GPRC5B: variants seen among roughly 807,000 people sequenced by gnomAD.
GPRC5B encodes G protein-coupled receptor family C group 5 member B.
GPRC5B carries 16 observed loss-of-function variants against 30.1 expected under a neutral mutation model. The observed-to-expected ratio is 0.53, with a 90% CI of 0.36 to 0.81. The LOEUF is 0.81. Ranked by LOEUF, GPRC5B falls within the 30% of genes least tolerant of loss-of-function variation. GPRC5B has a pLI of 0.01. For synonymous variants in GPRC5B, 241 were observed against 239.5 expected (o/e 1.01, Z -0.06); for missense variants, 428 against 544.7 (o/e 0.79, Z 2.13).
At chr16:19,884,642 C>A (rs2056836953) in intron 1 of GPRC5B, 85 bp downstream of exon 1, 1 of 913,866 alleles carries the variant, frequency 1.1e-6, no homozygotes, top group African/African-American at 1.8e-5. Flanking sequence ...AGAAGCGGAC[C>A]CCCCAATTCT....
Position 19,872,879 on chromosome 16 carries a change from A to T in GPRC5B, c.-1-33T>A. Reference sequence around the variant, plus strand: ...AGCCAAGAGGGGAATGGTTGGGGGGAAGGAAAGATGAATTCATTGGAAGAC... The same window carrying T: ...AGCCAAGAGGGGAATGGTTGGGGGGTAGGAAAGATGAATTCATTGGAAGAC... On this transcript the variant is annotated intron_variant, in intron 1 of 3. Transcript: ENST00000300571. The surrounding 1 kb of genome is among the most constrained non-coding windows in gnomAD (Gnocchi z 5.0). The T allele has an allele frequency of 6.6e-7, 1 of 1,515,710 alleles. No homozygotes were observed. The highest frequency in any genetic ancestry group is 9.1e-7 in the Non-Finnish European group (1 of 1,099,818). 93.9% of individuals were successfully genotyped at this position (1,515,710 alleles called of 1,614,324 possible). A position where few individuals can be genotyped will look rare whatever the true frequency, so the allele number is the denominator to read the frequency against.
rs1163249399 is a variant in GPRC5B at position 19,864,911 on chromosome 16, A to ATT, written c.1031-2940_1031-2939dup. On this transcript the variant is annotated intron_variant, in intron 2 of 3. Coordinates refer to ENST00000300571, the MANE Select transcript of GPRC5B (RefSeq NM_016235.3). ...TTCTGTGGGAGCTTTGCCCGGTCTC[A>ATT]TTTTTTTTTTTTTTTTTTTGTCAGG... Among the ~76,000 whole-genome samples, 357 of 126,044 alleles carry ATT rather than the reference A, an allele frequency of 2.8e-3. 7 individuals carry two copies. The highest frequency in any genetic ancestry group is 0.025 in the South Asian group (95 of 3,832). The allele number at this position is 126,044 out of a possible 152,430, so 82.7% of individuals were successfully genotyped here.
Position 19,871,960 on chromosome 16 carries a change from G to A in GPRC5B, c.886C>T (p.Leu296Phe), listed in dbSNP as rs2056723400. The A allele has an allele frequency of 2.5e-6, 4 of 1,614,028 alleles. No individual in the cohort carries two copies. The East Asian group carries it at 8.9e-5, about 36-fold the overall frequency. The change falls in exon 2 of 4, where the codon CTT becomes TTT. Residue 296 changes from leucine (L) to phenylalanine (F), a missense_variant. Transcript: ENST00000300571. Reference protein sequence around the residue: ...FHAIPEIHCTLLPALQENTPN... With the variant: ...FHAIPEIHCTFLPALQENTPN... ...GTGTTCTCCTGCAGGGCTGGCAGAA[G>A]GGTGCAGTGGATCTCAGGGATGGCG...
intron 2 of GPRC5B, among the ~76,000 whole-genome samples, chr16:19,867,568 A>C (rs528144889): frequency 1.3e-5 from 2 of 152,286 alleles, no homozygotes; most frequent in South Asian, 4.1e-4. Context: ...ATGTTCAACA[A>C]CACACTGGTT....
At chr16:19,864,001 T>G (rs2056647865) in intron 2 of GPRC5B, among the ~76,000 whole-genome samples, 3 of 152,060 alleles carry the variant, frequency 2.0e-5, no homozygotes. Flanking sequence ...GACAGCTGCT[T>G]TAGCCTACTC....
At chr16:19,883,349 C>G (rs889876619) in intron 1 of GPRC5B, among the ~76,000 whole-genome samples, 2 of 152,222 alleles carry the variant, frequency 1.3e-5, no homozygotes, top group Non-Finnish European at 2.9e-5. Flanking sequence ...GAGCAGGGAG[C>G]AGATAGCAAA....
Position 19,861,904 on chromosome 16 carries a change from G to A in GPRC5B, c.1100C>T (p.Pro367Leu), listed in dbSNP as rs761693107. The change falls in exon 3 of 4, where the codon CCC becomes CTC. Residue 367 changes from proline to leucine, a missense_variant. Coordinates refer to ENST00000300571, the MANE Select transcript of GPRC5B (RefSeq NM_016235.3). ...CACGTTGCTTCTAAACGGAGCGCTG[G>A]GTCTTTTCCCCAAGCTGCCACTGGG... The part of the protein sequence containing the change: ...KRPSGSLGKR[P>L]SAPFRSNVYQ... 2 of 1,613,192 alleles carry A rather than the reference G, an allele frequency of 1.2e-6. No homozygotes were observed. The highest frequency in any genetic ancestry group is 2.2e-5 in the East Asian group (1 of 44,874).
chr16:19,863,491 CTTTTTTTTTTT>C (rs10541805), intron 2 of GPRC5B, among the ~76,000 whole-genome samples: 5 of 82,272 alleles, frequency 6.1e-5, no homozygotes, highest in South Asian at 5.4e-4. Flanking sequence ...AATCTGTGTT[CTTTTTTTTTTT>C]TTTTTTTTTT....
Position 19,857,646 on chromosome 16 carries a change from C to A in GPRC5B, c.*2854G>T, listed in dbSNP as rs1468825814. On this transcript the variant is annotated 3_prime_UTR_variant, in exon 4 of 4. Coordinates refer to ENST00000300571, the MANE Select transcript of GPRC5B (RefSeq NM_016235.3). ...TTATAAAAGCCACAATGCTCCCTTT[C>A]AACTTGGGGTTTGGCCTGAGGCGTT... The A allele has an allele frequency of 3.5e-6, 1 of 282,546 alleles. No individual in the cohort carries two copies. The highest frequency in any genetic ancestry group is 2.3e-5 in the African/African-American group (1 of 42,942). The allele number at this position is 282,546 out of a possible 1,614,324, so 17.5% of individuals were successfully genotyped here. A position where few individuals can be genotyped will look rare whatever the true frequency, so the allele number is the denominator to read the frequency against.
intron 1 of GPRC5B, among the ~76,000 whole-genome samples, chr16:19,875,921 G>A (rs529295349): frequency 3.9e-5 from 6 of 152,326 alleles, no homozygotes; most frequent in South Asian, 4.1e-4. Flanking sequence ...TAAAGCACAC[G>A]AGGGATCAAA....
rs2056727408 is a variant in GPRC5B at position 19,872,302 on chromosome 16, C to A, written c.544G>T (p.Val182Leu). 6.2e-7 allele frequency: 1 copy of A among 1,613,968 alleles called. No individual in the cohort carries two copies. The highest frequency in any genetic ancestry group is 8.5e-7 in the Non-Finnish European group (1 of 1,180,038). ...VQVIIAVEWL[V>L]LTVLRDTRPA... The stretch of plus-strand genomic sequence containing the variant: ...CTTGTGTCACGCAGCACGGTGAGCA[C>A]CAGCCACTCCACAGCGATGATGACT... Residue 182 changes from valine to leucine, a missense_variant, in exon 2 of 4, where the codon GTG becomes TTG. Physicochemically the swap from Val to Leu is conservative, Grantham distance 32. This residue lies in a region of GPRC5B where 196 missense variants were observed against 272.6 expected (regional missense o/e 0.72). Transcript: ENST00000300571. This position sits in a 1 kb window ranked among gnomAD's most constrained non-coding sequence, Gnocchi z 5.0.
chr16:19,884,090 C>G (rs757208), intron 1 of GPRC5B, among the ~76,000 whole-genome samples: 1 of 140,782 alleles, frequency 7.1e-6, no homozygotes, highest in African/African-American at 2.7e-5. Flanking sequence ...ACTGCCCCCC[C>G]CGCCATTGTA....
intron 1 of GPRC5B, among the ~76,000 whole-genome samples, chr16:19,883,781 G>T (rs527882662): frequency 1.3e-5 from 2 of 152,366 alleles, no homozygotes; most frequent in South Asian, 4.1e-4. Flanking sequence ...CTAGGCCTGG[G>T]TGTGACAGAG....
In GPRC5B at chr16:19,869,189, C is replaced by T. The variant is rs1020276961; in HGVS notation, c.1030+2627G>A. ...ACTAAAAATACAAAAATTAGCCAGG[C>T]GTGATGGCATGCACCTGTAATCCCA... On this transcript the variant is annotated intron_variant, in intron 2 of 3. Coordinates refer to ENST00000300571, the MANE Select transcript of GPRC5B (RefSeq NM_016235.3). Among the ~76,000 whole-genome samples the T allele has an allele frequency of 7.8e-4, 119 of 151,760 alleles. 11 individuals are homozygous for T. Among genetic ancestry groups the T allele is most frequent in the Admixed American group, 1.3e-4 (2 of 15,248 alleles).
chr16:19,874,855 T>G, intron 1 of GPRC5B: 1 of 107,310 alleles, frequency 9.3e-6, no homozygotes, highest in South Asian at 3.4e-4. Context: ...TACCAGCTCC[T>G]TCCCTTTTTT....
intron 1 of GPRC5B, among the ~76,000 whole-genome samples, chr16:19,878,970 C>G (rs2056782127): frequency 6.6e-6 from 1 of 152,118 alleles, no homozygotes; most frequent in East Asian, 1.9e-4. Context: ...TGGGGGTGTA[C>G]TGAGGCTGGA....
intron 1 of GPRC5B, 86 bp downstream of exon 1, chr16:19,884,641 C>A (rs2056836933): frequency 1.1e-6 from 1 of 906,190 alleles, no homozygotes; most frequent in South Asian, 5.1e-5. Context: ...AAGAAGCGGA[C>A]CCCCCAATTC....
intron 1 of GPRC5B, chr16:19,874,945 T>G (rs1405537089): frequency 6.6e-6 from 1 of 151,478 alleles, no homozygotes; most frequent in African/African-American, 2.4e-5. Flanking sequence ...GCTGGCTGGA[T>G]GCTTGTTTCC....
chr16:19,869,590 G>A (rs532234792), intron 2 of GPRC5B, among the ~76,000 whole-genome samples: 74 of 151,972 alleles, frequency 4.9e-4, no homozygotes, highest in South Asian at 1.5e-3. Context: ...CATCCCCTAG[G>A]TAGGTCCTAT....
Sources: allele counts gnomAD v4.1 joint callset (sites outside exome capture counted in the v4.1 genomes callset), GRCh38; gene constraint gnomAD v4.1.1; regional missense constraint gnomAD v4.1.1; non-coding constraint Gnocchi (gnomAD v3.1); transcripts MANE v1.5; gene names NCBI Gene and HGNC (gene_info 2026-07-23, HGNC 2026-07-21).